The following ASIC2 variants were observed in gnomAD, a reference collection of about 807,000 sequenced individuals.
The protein encoded by ASIC2 is acid sensing ion channel subunit 2.
ASIC2 carries 25 observed loss-of-function variants against 57.3 expected under a neutral mutation model. That is an observed-to-expected ratio of 0.44 (90% CI 0.32 to 0.61). The LOEUF is 0.61. Among genes scored for constraint, ASIC2 ranks in the 20% least tolerant of loss-of-function variants. The pLI, the probability that ASIC2 is intolerant of heterozygous loss-of-function variation, is 0.06. For missense variants in ASIC2, 641 were observed against 738.1 expected, an observed-to-expected ratio of 0.87 and a Z score of 1.52; for synonymous variants, 319 against 307.5, an observed-to-expected ratio of 1.04 and a Z score of -0.39.
intron 1 of ASIC2, among the ~76,000 whole-genome samples, chr17:33,415,087 T>A (rs943239924): frequency 1.3e-5 from 2 of 152,214 alleles, no homozygotes; most frequent in Admixed American, 6.5e-5. Context: ...AATCTCAGCC[T>A]TCCCTTTGGC....
At chr17:33,258,086 A>T (rs1909144451) in intron 1 of ASIC2, among the ~76,000 whole-genome samples, 1 of 152,160 alleles carries the variant, frequency 6.6e-6, no homozygotes, top group Admixed American at 6.5e-5. Flanking sequence ...TGCATGCTTT[A>T]TCTTAGTCTT....
intron 1 of ASIC2, among the ~76,000 whole-genome samples, chr17:33,878,019 G>A (rs560296846): frequency 3.0e-4 from 45 of 152,292 alleles, no homozygotes; most frequent in East Asian, 5.8e-4. Context: ...GACCTCCAGC[G>A]AACTCCAACA....
chr17:33,843,416 T>C (rs1247342348), intron 1 of ASIC2, among the ~76,000 whole-genome samples: 1 of 152,264 alleles, frequency 6.6e-6, no homozygotes, highest in East Asian at 1.9e-4. Flanking sequence ...AATCAATTAA[T>C]GTGGCATTTT....
At chr17:34,083,827 G>A (rs1043614872) in intron 1 of ASIC2, among the ~76,000 whole-genome samples, 8 of 152,230 alleles carry the variant, frequency 5.3e-5, no homozygotes, top group African/African-American at 1.9e-4. Flanking sequence ...CTTCTTTCGA[G>A]AAGTGTCTGT....
At position 33,936,698 on chromosome 17, in the gene ASIC2, CTGAGTTCT is replaced by C. The variant is rs1200880707; in HGVS notation, c.555+219272_555+219279del. ...GGCAAGAGCAGGAACCAAGAGGCCT[CTGAGTTCT>C]TGCTGTATGACTTGGAAAAATGTTC... On this transcript the variant is annotated intron_variant, in intron 1 of 9. Coordinates refer to the ASIC2 transcript ENST00000359872. 2.6e-5 allele frequency: 4 copies of C among 152,228 alleles called. No homozygotes were observed. In the East Asian group the frequency reaches 7.7e-4, roughly 29 times the overall value. 9.4% of individuals were successfully genotyped at this position (152,228 alleles called of 1,614,324 possible).
chr17:33,981,429 C>A (rs1407327872), intron 1 of ASIC2, among the ~76,000 whole-genome samples: 1 of 152,198 alleles, frequency 6.6e-6, no homozygotes, highest in Non-Finnish European at 1.5e-5. Context: ...TTGATCTTCA[C>A]AATGATTTGG....
chr17:34,117,710 G>A (rs1004866897), intron 1 of ASIC2, among the ~76,000 whole-genome samples: 5 of 152,126 alleles, frequency 3.3e-5, no homozygotes, highest in African/African-American at 1.2e-4. Context: ...GATACAATTG[G>A]CAGGACTGGT....
At chr17:33,543,740 C>T (rs8079016) in intron 1 of ASIC2, among the ~76,000 whole-genome samples, 28,403 of 152,078 alleles carry the variant, frequency 0.19, 2,738 homozygotes, top group South Asian at 0.32. Context: ...TTATTCTGCT[C>T]TAAGCATGAG....
At chr17:33,627,898 C>T (rs769488070) in intron 1 of ASIC2, among the ~76,000 whole-genome samples, 34 of 152,048 alleles carry the variant, frequency 2.2e-4, no homozygotes, top group Non-Finnish European at 2.8e-4. Flanking sequence ...AGGCCTCCTC[C>T]GGGCATCTGT....
At chr17:34,075,868 G>A (rs1191053493) in intron 1 of ASIC2, among the ~76,000 whole-genome samples, 1 of 126,254 alleles carries the variant, frequency 7.9e-6, no homozygotes, top group Non-Finnish European at 1.6e-5. Context: ...TCTTGCTGTC[G>A]CTCCGGCTGG....
chr17:33,637,498 G>C (rs144493442), intron 1 of ASIC2, among the ~76,000 whole-genome samples: 239 of 152,318 alleles, frequency 1.6e-3, no homozygotes, highest in African/African-American at 5.2e-3. Flanking sequence ...GGATGAATGG[G>C]AAGATTTTTT....
intron 1 of ASIC2, among the ~76,000 whole-genome samples, chr17:33,167,691 G>A (rs372031501): frequency 6.6e-6 from 1 of 152,180 alleles, no homozygotes; most frequent in East Asian, 1.9e-4. Flanking sequence ...TAGTGCGACA[G>A]GCTGACTCTA....
At chr17:33,900,206 T>C (rs927272997) in intron 1 of ASIC2, among the ~76,000 whole-genome samples, 14 of 152,246 alleles carry the variant, frequency 9.2e-5, no homozygotes. Flanking sequence ...GAGAGGCATG[T>C]AGCTGATGTG....
chr17:33,082,282 G>C (rs1267855594), intron 3 of ASIC2, among the ~76,000 whole-genome samples: 1 of 152,150 alleles, frequency 6.6e-6, no homozygotes, highest in East Asian at 1.9e-4. Context: ...CCACCAAGAA[G>C]TATAAGCAAA....
At chr17:33,834,766 G>C (rs1465151310) in intron 1 of ASIC2, among the ~76,000 whole-genome samples, 1 of 152,108 alleles carries the variant, frequency 6.6e-6, no homozygotes, top group Non-Finnish European at 1.5e-5. Flanking sequence ...TGCCCCAAGA[G>C]AGTGCTGCCT....
chr17:33,474,872 A>G (rs1913168992), intron 1 of ASIC2, among the ~76,000 whole-genome samples: 1 of 152,180 alleles, frequency 6.6e-6, no homozygotes, highest in Admixed American at 6.5e-5. Context: ...AGGTAGGACT[A>G]GGGAGCCCTA....
intron 1 of ASIC2, among the ~76,000 whole-genome samples, chr17:33,341,909 A>G (rs1468949204): frequency 2.6e-5 from 4 of 152,192 alleles, no homozygotes; most frequent in African/African-American, 9.6e-5. Flanking sequence ...ACTGACACTC[A>G]GACCTACCTT....
rs114079587 is a variant in ASIC2 at position 33,712,555 on chromosome 17, A to T, written c.555+443423T>A. 3.9e-3 allele frequency among the ~76,000 whole-genome samples: 594 copies of T among 150,832 alleles called. 2 individuals are homozygous for T. The highest frequency in any genetic ancestry group is 0.014 in the African/African-American group (568 of 40,916). On this transcript the variant is annotated intron_variant, in intron 1 of 9. Transcript: ENST00000359872. ...TCTGGGGTCTCCCATGTTGCAACCA[A>T]GGTGATGGCTGGAACTGTAGTCATC... is the stretch of plus-strand genomic sequence containing the variant.
intron 1 of ASIC2, among the ~76,000 whole-genome samples, chr17:33,963,385 C>T (rs1432710188): frequency 6.6e-6 from 1 of 152,092 alleles, no homozygotes; most frequent in African/African-American, 2.4e-5. Context: ...ATGCTATTTC[C>T]CCATTTCTGG....
Sources: gnomAD v4.1 joint callset for allele counts (sites outside exome capture counted in the v4.1 genomes callset) on GRCh38, gnomAD v4.1.1 for gene constraint, MANE v1.5 for transcripts, NCBI Gene and HGNC (gene_info 2026-07-23, HGNC 2026-07-21) for gene names.